Variants in SOX6 observed in about 807,000 individuals in gnomAD.
SOX6 encodes the protein transcription factor SOX-6.
SOX6 carries 11 observed loss-of-function variants against 97.8 expected under a neutral mutation model. The observed-to-expected ratio is 0.11, with a 90% CI of 0.07 to 0.19. SOX6 has a LOEUF of 0.19. Ranked by LOEUF, SOX6 falls within the 10% of genes least tolerant of loss-of-function variation. The pLI is 1.00. For missense variants in SOX6, 810 were observed against 1,039.5 expected (o/e 0.78, Z 3.04); for synonymous variants, 360 against 371.4 (o/e 0.97, Z 0.35).
intron 1 of SOX6, among the ~76,000 whole-genome samples, chr11:16,392,005 C>T (rs1270701352): frequency 6.6e-6 from 1 of 151,404 alleles, no homozygotes; most frequent in Non-Finnish European, 1.5e-5. Context: ...ATATATAGTA[C>T]AAAATATTAT....
intron 9 of SOX6, among the ~76,000 whole-genome samples, chr11:16,090,264 A>G (rs1848657158): frequency 6.6e-6 from 1 of 152,108 alleles, no homozygotes; most frequent in Non-Finnish European, 1.5e-5. Flanking sequence ...ATAGCTGACT[A>G]TCCCACCAAT....
At chr11:16,454,033 C>G (rs1235046372) in intron 1 of SOX6, among the ~76,000 whole-genome samples, 3 of 152,076 alleles carry the variant, frequency 2.0e-5, no homozygotes. Context: ...TAAGACAAGG[C>G]TACATGCAGA....
At chr11:16,108,495 T>C (rs1286662507) in intron 7 of SOX6, among the ~76,000 whole-genome samples, 1 of 152,322 alleles carries the variant, frequency 6.6e-6, no homozygotes. Context: ...TGTGCTCAAA[T>C]GTATCTATCT....
intron 6 of SOX6, among the ~76,000 whole-genome samples, chr11:16,119,305 C>T (rs1239763010): frequency 6.6e-6 from 1 of 152,172 alleles, no homozygotes; most frequent in Non-Finnish European, 1.5e-5. Context: ...TCTCACTTGA[C>T]AGGATAAATT....
At chr11:16,557,556 A>C (rs1329063452) in intron 4 of SOX6, among the ~76,000 whole-genome samples, 1 of 151,818 alleles carries the variant, frequency 6.6e-6, no homozygotes. Context: ...GTTAATCTAA[A>C]CATAAAATTC....
chr11:16,122,343 A>G (rs1420311608), intron 6 of SOX6, among the ~76,000 whole-genome samples: 1 of 152,034 alleles, frequency 6.6e-6, no homozygotes, highest in Non-Finnish European at 1.5e-5. Flanking sequence ...TCTTATTTCC[A>G]GAGAAGTATG....
intron 4 of SOX6, among the ~76,000 whole-genome samples, chr11:16,566,340 C>T (rs1489686233): frequency 6.6e-6 from 1 of 152,162 alleles, no homozygotes; most frequent in Non-Finnish European, 1.5e-5. Flanking sequence ...GATACAAAAA[C>T]AATGCTACCA....
intron 4 of SOX6, among the ~76,000 whole-genome samples, chr11:16,488,795 T>C (rs1156855301): frequency 6.6e-6 from 1 of 152,160 alleles, no homozygotes; most frequent in Non-Finnish European, 1.5e-5. Flanking sequence ...ATCTTCTTCA[T>C]AACAATTTGA....
intron 4 of SOX6, among the ~76,000 whole-genome samples, chr11:16,498,280 G>A (rs1432783278): frequency 1.3e-5 from 2 of 152,124 alleles, no homozygotes; most frequent in African/African-American, 2.4e-5. Context: ...TCACCACCAG[G>A]CCTGCCCTAA....
At chr11:16,060,633 A>G (rs1177372141) in intron 9 of SOX6, among the ~76,000 whole-genome samples, 1 of 151,984 alleles carries the variant, frequency 6.6e-6, no homozygotes, top group East Asian at 1.9e-4. Flanking sequence ...TATGAATGTC[A>G]TTAAATGAAT....
At chr11:16,395,767 G>A (rs1858335989) in intron 1 of SOX6, among the ~76,000 whole-genome samples, 1 of 151,648 alleles carries the variant, frequency 6.6e-6, no homozygotes, top group Non-Finnish European at 1.5e-5. Context: ...AAGAAGCATG[G>A]GAATGAAAGA....
intron 1 of SOX6, among the ~76,000 whole-genome samples, chr11:16,405,015 A>G (rs1272611428): frequency 1.3e-5 from 2 of 151,990 alleles, no homozygotes; most frequent in African/African-American, 2.4e-5. Context: ...ACGGATTAGT[A>G]CTGTAATGAT....
chr11:16,294,542 G>C (rs1296635292), intron 3 of SOX6, among the ~76,000 whole-genome samples: 4 of 152,006 alleles, frequency 2.6e-5, no homozygotes, highest in African/African-American at 9.7e-5. Context: ...TAAGGAAATA[G>C]TCACTATTTC....
upstream of SOX6, among the ~76,000 whole-genome samples, chr11:16,358,736 A>G (rs1477854545): frequency 1.3e-5 from 2 of 152,286 alleles, no homozygotes; most frequent in East Asian, 3.9e-4. Flanking sequence ...TGAAAGAGAA[A>G]GAAAAGAAAA....
At chr11:16,326,848 C>T in intron 2 of SOX6, among the ~76,000 whole-genome samples, 1 of 152,188 alleles carries the variant, frequency 6.6e-6, no homozygotes, top group East Asian at 1.9e-4. Context: ...AAGTCAGTGG[C>T]TAAGGCCAAA....
chr11:16,705,033 G>C (rs1590058286), intron 3 of SOX6, among the ~76,000 whole-genome samples: 1 of 152,082 alleles, frequency 6.6e-6, no homozygotes, highest in East Asian at 1.9e-4. Context: ...TGAGGCGGGT[G>C]GATCACCTGA....
intron 12 of SOX6, among the ~76,000 whole-genome samples, chr11:16,045,703 T>C (rs1450073942): frequency 6.6e-6 from 1 of 152,148 alleles, no homozygotes; most frequent in East Asian, 1.9e-4. Flanking sequence ...TCATCATTCC[T>C]AGTGCCTAGA....
rs115937780 is a variant in SOX6, at chr11:16,395,119, A to G, written c.-4-53867T>C. On this transcript the variant is annotated intron_variant, in intron 1 of 15. Coordinates refer to the SOX6 transcript ENST00000396356. The stretch of plus-strand genomic sequence containing the variant: ...TCTCCCTTTTTTCACTTTCTCATTC[A>G]CTACATTCCTCTTCCTGATAACAAC... Among the ~76,000 whole-genome samples, 739 of 151,784 alleles carry G rather than the reference A, an allele frequency of 4.9e-3. 6 individuals carry two copies. The highest frequency in any genetic ancestry group is 0.017 in the African/African-American group (701 of 41,460).
chr11:16,355,721 AAAG>A (rs1438422614), intron 1 of SOX6, among the ~76,000 whole-genome samples: 1 of 152,028 alleles, frequency 6.6e-6, no homozygotes, highest in Non-Finnish European at 1.5e-5. Context: ...TGTATATTGG[AAAG>A]ATTGATTTTA....
Sources: gnomAD v4.1 joint callset for allele counts (sites outside exome capture counted in the v4.1 genomes callset) on GRCh38, gnomAD v4.1.1 for gene constraint, MANE v1.5 for transcripts, NCBI Gene and HGNC (gene_info 2026-07-23, HGNC 2026-07-21) for gene names.